The following CUBN variants were observed in gnomAD, a reference collection of about 807,000 sequenced individuals.
CUBN encodes 460 kDa receptor.
A neutral mutation model predicts 405.3 loss-of-function variants in CUBN; 282 were observed. The ratio of observed to expected loss-of-function variants is 0.70; its 90% CI spans 0.63 to 0.77. CUBN has a LOEUF of 0.77. CUBN is among the 30% of genes least tolerant of loss of function. The pLI, the probability that CUBN is intolerant of heterozygous loss-of-function variation, is 0.00. For missense variants in CUBN, 4,514 were observed against 4,475.2 expected (o/e 1.01, Z -0.25); for synonymous variants, 1,684 against 1,617.0 (o/e 1.04, Z -0.99).
At chr10:16,975,624 CTTTTTTT>C (rs199779818) in intron 31 of CUBN, among the ~76,000 whole-genome samples, 1 of 124,360 alleles carries the variant, frequency 8.0e-6, no homozygotes, top group Non-Finnish European at 1.6e-5. Context: ...TAAAGACCTT[CTTTTTTT>C]TTTTTTTTTT....
Position 17,104,474 on chromosome 10 carries a change from G to A in CUBN, c.1362C>T (p.Phe454=). 6.2e-7 allele frequency: 1 copy of A among 1,613,954 alleles called. No homozygotes were observed. Among genetic ancestry groups the A allele is most frequent in the Non-Finnish European group, 8.5e-7 (1 of 1,179,982 alleles). ...TCCAGAGACGTGTGCATTCACAACT[G>A]AAAGAATCAACGCCATCAACACAAG... is the stretch of plus-strand genomic sequence containing the variant. ...GGTCVDGVDS[F]SCECTRLWTG... Residue 454 remains phenylalanine (F), a synonymous_variant, in exon 12 of 67, where the codon TTC becomes TTT. Transcript: ENST00000377833.
At chr10:16,843,988 T>C (rs1182415189) in intron 60 of CUBN, among the ~76,000 whole-genome samples, 2 of 152,062 alleles carry the variant, frequency 1.3e-5, no homozygotes, top group Non-Finnish European at 2.9e-5. Context: ...CTTCCAGACC[T>C]GCGGGGCGTG....
chr10:17,126,857 T>C, intron 3 of CUBN, 58 bp from the exon 4 acceptor site: 1 of 1,558,210 alleles, frequency 6.4e-7, no homozygotes, highest in Non-Finnish European at 8.9e-7. Context: ...GCACATGTGA[T>C]GTTATATCCT....
At chr10:16,936,569 C>G (rs145893687) in intron 39 of CUBN, among the ~76,000 whole-genome samples, 1 of 152,094 alleles carries the variant, frequency 6.6e-6, no homozygotes, top group African/African-American at 2.4e-5. Context: ...GTTCAGAGTT[C>G]GAATATTCTT....
intron 31 of CUBN, among the ~76,000 whole-genome samples, chr10:16,979,423 G>A (rs931499620): frequency 2.0e-5 from 3 of 152,164 alleles, no homozygotes; most frequent in East Asian, 1.9e-4. Flanking sequence ...GAGACATAAC[G>A]TTACCTGACT....
intron 34 of CUBN, 33 bp from the exon 35 acceptor site, chr10:16,948,639 A>G: frequency 6.2e-7 from 1 of 1,612,192 alleles, no homozygotes; most frequent in Non-Finnish European, 8.5e-7. Context: ...AGGAGAATGA[A>G]TGACAACATG....
At chr10:16,989,761 A>AC (rs1554806214) in intron 29 of CUBN, among the ~76,000 whole-genome samples, 2 of 152,118 alleles carry the variant, frequency 1.3e-5, no homozygotes, top group Non-Finnish European at 2.9e-5. Flanking sequence ...CTAGGTGGCC[A>AC]TTTTTTTACA....
intron 22 of CUBN, among the ~76,000 whole-genome samples, chr10:17,055,494 G>A (rs1835370241): frequency 1.3e-5 from 2 of 152,086 alleles, no homozygotes; most frequent in South Asian, 4.2e-4. Context: ...CTTATTCACA[G>A]TTATTGTCAT....
intron 35 of CUBN, 27 bp downstream of exon 35, chr10:16,948,451 C>G: frequency 6.2e-7 from 1 of 1,613,392 alleles, no homozygotes. Flanking sequence ...CTTTTAACCG[C>G]TAGAGTCAGG....
chr10:17,038,219 C>T (rs1205985935), intron 27 of CUBN, among the ~76,000 whole-genome samples: 1 of 152,222 alleles, frequency 6.6e-6, no homozygotes, highest in Non-Finnish European at 1.5e-5. Context: ...CCAAATCTAT[C>T]ATTTCCATTT....
At chr10:16,900,577 C>T in intron 53 of CUBN, 48 bp downstream of exon 53, 2 of 1,367,560 alleles carry the variant, frequency 1.5e-6, no homozygotes, top group Non-Finnish European at 2.1e-6. Context: ...TGAGTTCATA[C>T]TATACATCAC....
At chr10:16,999,354 G>A (rs370887341) in intron 28 of CUBN, among the ~76,000 whole-genome samples, 20 of 152,056 alleles carry the variant, frequency 1.3e-4, no homozygotes, top group East Asian at 3.9e-4. Flanking sequence ...ACTATCTTTC[G>A]TCTTAACCTA....
chr10:17,019,273 C>T (rs1048306927), intron 28 of CUBN, among the ~76,000 whole-genome samples: 4 of 152,272 alleles, frequency 2.6e-5, no homozygotes, highest in Admixed American at 6.5e-5. Flanking sequence ...ACCACCAATT[C>T]GTAGGTGGGA....
chr10:16,978,125 G>A (rs966848910), intron 31 of CUBN, among the ~76,000 whole-genome samples: 8 of 152,164 alleles, frequency 5.3e-5, no homozygotes, highest in African/African-American at 1.9e-4. Flanking sequence ...CTCAGTGAAG[G>A]CTGTTTTCCT....
chr10:17,088,139 G>C (rs751749095), intron 15 of CUBN, 25 bp downstream of exon 15: 4 of 1,573,982 alleles, frequency 2.5e-6, no homozygotes, highest in South Asian at 1.1e-5. Flanking sequence ...ATTGTGATAT[G>C]TTCTATCTAA....
rs143066121 is a variant in CUBN at position 16,835,099 on chromosome 10, G to A, written c.10277C>T (p.Thr3426Ile). Reference sequence around the variant, plus strand: ...GGAAATGGTGTGGTTCTGGGGGGCTGTGAGAGTAACGGTGCAATCCTTGTC... The same window carrying A: ...GGAAATGGTGTGGTTCTGGGGGGCTATGAGAGTAACGGTGCAATCCTTGTC... Reference protein sequence around the residue: ...DNDKDCTVTLTAPQNHTISLF... With the variant: ...DNDKDCTVTLIAPQNHTISLF... Residue 3426 changes from threonine to isoleucine, a missense_variant, in exon 64 of 67, where the codon ACA (threonine) becomes ATA (isoleucine). Transcript: ENST00000377833. 9 of 1,614,172 alleles carry A rather than the reference G, an allele frequency of 5.6e-6. No individual in the cohort carries two copies. The highest frequency in any genetic ancestry group is 3.3e-5 in the Admixed American group (2 of 60,024).
chr10:17,083,549 T>C (rs1029696286), intron 17 of CUBN, among the ~76,000 whole-genome samples: 3 of 24,166 alleles, frequency 1.2e-4, no homozygotes, highest in African/African-American at 3.9e-4. Context: ...ACATACATAC[T>C]GCTGTAGTGC....
At chr10:16,878,506 A>T (rs1189019146) in intron 56 of CUBN, among the ~76,000 whole-genome samples, 1 of 152,170 alleles carries the variant, frequency 6.6e-6, no homozygotes, top group Non-Finnish European at 1.5e-5. Flanking sequence ...TATTTGAGGA[A>T]GTTTTTCATC....
chr10:16,906,802 A>C (rs780806), intron 49 of CUBN, among the ~76,000 whole-genome samples: 72,197 of 152,012 alleles, frequency 0.47, 19,395 homozygotes, highest in East Asian at 0.67. Flanking sequence ...TAAATCAAAC[A>C]GATAATAGGA....
Sources: allele counts gnomAD v4.1 joint callset (sites outside exome capture counted in the v4.1 genomes callset), GRCh38; gene constraint gnomAD v4.1.1; transcripts MANE v1.5; gene names NCBI Gene and HGNC (gene_info 2026-07-23, HGNC 2026-07-21).